LRBA: variants seen among roughly 807,000 people sequenced by gnomAD.
LRBA encodes the protein LPS responsive beige-like anchor protein.
A neutral mutation model predicts 330.0 loss-of-function variants in LRBA; 176 were observed. The ratio of observed to expected loss-of-function variants is 0.53; its 90% CI spans 0.47 to 0.60. The LOEUF is 0.60. Among genes scored for constraint, LRBA ranks in the 20% least tolerant of loss-of-function variants. The probability of loss-of-function intolerance (pLI) is 0.00; values close to 1 mark genes in which losing one functional copy is unlikely to be tolerated. For synonymous variants in LRBA, 1,230 were observed against 1,193.0 expected, an observed-to-expected ratio of 1.03 and a Z score of -0.64; for missense variants, 3,259 against 3,444.8, an observed-to-expected ratio of 0.95 and a Z score of 1.35.
At chr4:150,490,310 T>C (rs1243203477) in intron 41 of LRBA, among the ~76,000 whole-genome samples, 2 of 151,854 alleles carry the variant, frequency 1.3e-5, no homozygotes, top group Admixed American at 1.3e-4. Flanking sequence ...GTTTTACATA[T>C]ATTCCATTGT....
At chr4:150,851,778 GA>G in intron 23 of LRBA, 106 bp downstream of exon 23, 1 of 1,171,900 alleles carries the variant, frequency 8.5e-7, no homozygotes, top group Non-Finnish European at 1.1e-6. Flanking sequence ...ATTTAGTTGT[GA>G]ATAGCATGTG....
intron 40 of LRBA, among the ~76,000 whole-genome samples, chr4:150,493,076 G>A (rs894483601): frequency 6.6e-6 from 1 of 152,104 alleles, no homozygotes; most frequent in African/African-American, 2.4e-5. Flanking sequence ...AACCCCCTAG[G>A]CTCACATGAT....
At position 150,959,254 on chromosome 4, in the gene LRBA, G is replaced by T. The variant is rs761810420; in HGVS notation, c.217-30189C>A. On this transcript the variant is annotated intron_variant, in intron 2 of 56. Transcript: ENST00000651943. ...GGAACTCCCCTTTATAAAACCATCA[G>T]ATCTCGTGAGACTTATCCACTATCA... 5.4e-5 allele frequency among the ~76,000 whole-genome samples: 8 copies of T among 148,970 alleles called. No homozygotes were observed. In the East Asian group the frequency reaches 1.5e-3, roughly 29 times the overall value.
intron 15 of LRBA, among the ~76,000 whole-genome samples, chr4:150,896,804 G>A (rs949753992): frequency 1.3e-5 from 2 of 151,758 alleles, no homozygotes; most frequent in African/African-American, 4.8e-5. Flanking sequence ...ACATCTTTTC[G>A]ACTGAAATTA....
chr4:150,415,395 A>G (rs1344563368), intron 47 of LRBA, 43 bp downstream of exon 47: 1 of 1,584,118 alleles, frequency 6.3e-7, no homozygotes, highest in Admixed American at 1.7e-5. Context: ...AGATGCTTTG[A>G]GCAAAAGCTC....
At chr4:150,903,439 A>G (rs187425380) in intron 13 of LRBA, among the ~76,000 whole-genome samples, 33 of 152,266 alleles carry the variant, frequency 2.2e-4, no homozygotes, top group African/African-American at 7.7e-4. Flanking sequence ...TACTGTGGTA[A>G]AAGAAAAATG....
chr4:150,368,618 C>T (rs561455709), intron 47 of LRBA, among the ~76,000 whole-genome samples: 1 of 152,052 alleles, frequency 6.6e-6, no homozygotes, highest in Non-Finnish European at 1.5e-5. Context: ...TTTAAAAAAA[C>T]AAATCACTAA....
chr4:150,348,718 G>T (rs1561049177), intron 48 of LRBA, among the ~76,000 whole-genome samples: 1 of 151,926 alleles, frequency 6.6e-6, no homozygotes, highest in Non-Finnish European at 1.5e-5. Flanking sequence ...AAGAATTATG[G>T]GCATTTAACA....
At chr4:150,300,973 ATTTC>A (rs1335386955) in intron 53 of LRBA, among the ~76,000 whole-genome samples, 10 of 152,036 alleles carry the variant, frequency 6.6e-5, no homozygotes, top group Non-Finnish European at 8.8e-5. Context: ...GTGTGTTCAG[ATTTC>A]TTTATGTGCA....
intron 44 of LRBA, among the ~76,000 whole-genome samples, chr4:150,466,751 A>C (rs1161219809): frequency 6.6e-6 from 1 of 152,118 alleles, no homozygotes; most frequent in East Asian, 1.9e-4. Flanking sequence ...CTAAAAAATG[A>C]GGGTAGAGAC....
intron 43 of LRBA, among the ~76,000 whole-genome samples, chr4:150,470,876 C>CACACACACCACA (rs1554034850): frequency 8.4e-5 from 12 of 143,708 alleles, no homozygotes; most frequent in African/African-American, 2.9e-4. Context: ...CACACACACA[C>CACACACACCACA]CACACACTAA....
At chr4:150,910,432 T>C (rs756785133) in intron 9 of LRBA, among the ~76,000 whole-genome samples, 3 of 152,196 alleles carry the variant, frequency 2.0e-5, no homozygotes, top group Non-Finnish European at 2.9e-5. Flanking sequence ...ACATTGTCCT[T>C]TCCCCAGTAT....
chr4:150,624,801 T>C (rs1393012869), intron 37 of LRBA, among the ~76,000 whole-genome samples: 3 of 152,200 alleles, frequency 2.0e-5, no homozygotes, highest in Non-Finnish European at 4.4e-5. Context: ...AAACATTATA[T>C]TGTACATAAA....
chr4:150,944,156 C>T (rs1304471924), intron 2 of LRBA, among the ~76,000 whole-genome samples: 1 of 152,192 alleles, frequency 6.6e-6, no homozygotes, highest in East Asian at 1.9e-4. Flanking sequence ...TCCCAAATTC[C>T]TGACCCAGAA....
intron 46 of LRBA, among the ~76,000 whole-genome samples, chr4:150,431,647 AAATT>A (rs1157687288): frequency 2.6e-5 from 4 of 152,194 alleles, no homozygotes; most frequent in African/African-American, 9.6e-5. Context: ...TAAATTATTA[AAATT>A]AATTTTTTTT....
intron 40 of LRBA, among the ~76,000 whole-genome samples, chr4:150,494,386 G>C (rs1581482651): frequency 1.3e-5 from 2 of 152,232 alleles, no homozygotes; most frequent in South Asian, 2.1e-4. Flanking sequence ...TCACACACTG[G>C]TCTGAAAATT....
At chr4:150,541,130 C>T (rs895382964) in intron 40 of LRBA, among the ~76,000 whole-genome samples, 1 of 152,106 alleles carries the variant, frequency 6.6e-6, no homozygotes, top group Non-Finnish European at 1.5e-5. Flanking sequence ...TTCAATGGCT[C>T]AAATAGTATA....
chr4:150,455,525 A>C lies in LRBA; in HGVS notation c.6780+12148T>G, dbSNP rs1416754425. The stretch of plus-strand genomic sequence containing the variant: ...GAAATCATCATTCTCAATGTTTTTT[A>C]ATTTTTAATTTTTATAGGTACATAG... On this transcript the variant is annotated intron_variant, in intron 44 of 56. Coordinates refer to ENST00000651943, the MANE Select transcript of LRBA (RefSeq NM_001364905.1). Among the ~76,000 whole-genome samples, 6 of 152,188 alleles carry C rather than the reference A, an allele frequency of 3.9e-5. No homozygotes were observed. The South Asian group carries it at 8.3e-4, about 21-fold the overall frequency.
In LRBA at chr4:150,423,558, T is replaced by C. The variant is rs879552984; in HGVS notation, c.7042-7968A>G. The C allele has an allele frequency of 7.7e-6, 3 of 390,374 alleles. No homozygotes were observed. In the Admixed American group the frequency reaches 9.6e-5, roughly 12 times the overall value. 24.2% of individuals were successfully genotyped at this position (390,374 alleles called of 1,614,324 possible). ...GAGGCTGGTGGGCTATACTTCTTAC[T>C]GTTGCTCCCTGTCTTTACCACCTGC... is the stretch of plus-strand genomic sequence containing the variant. On this transcript the variant is annotated intron_variant, in intron 46 of 56. Transcript: ENST00000651943.
Sources: gnomAD v4.1 joint callset for allele counts (sites outside exome capture counted in the v4.1 genomes callset) on GRCh38, gnomAD v4.1.1 for gene constraint, MANE v1.5 for transcripts, NCBI Gene and HGNC (gene_info 2026-07-23, HGNC 2026-07-21) for gene names.